Variants in MICU1 observed in about 807,000 individuals in gnomAD.
MICU1 encodes the protein mitochondrial calcium uptake 1.
Under a neutral mutation model 56.8 loss-of-function variants are expected in MICU1, and 45 were observed. The observed-to-expected ratio is 0.79, with a 90% CI of 0.62 to 1.02. The LOEUF (loss-of-function observed/expected upper bound fraction) is 1.02. Ranked by LOEUF, MICU1 falls within the 50% of genes least tolerant of loss-of-function variation. The pLI is 0.00. For missense variants in MICU1, 504 were observed against 587.1 expected (o/e 0.86, Z 1.46); for synonymous variants, 186 against 195.1 (o/e 0.95, Z 0.39).
rs752791177 is a variant in MICU1 at position 72,475,281 on chromosome 10, C to T, written c.752G>A (p.Arg251His). The change falls in exon 8 of 12, where the codon CGC becomes CAC. Residue 251 changes from arginine (R) to histidine (H), a missense_variant. Coordinates refer to ENST00000361114, the MANE Select transcript of MICU1 (RefSeq NM_001195518.2). ...GCGCATACCCATACTGGTTTGGGAGCGAATGATGCTCTGAACCTAATACAG... is the reference window on the plus strand; with the variant it reads ...GCGCATACCCATACTGGTTTGGGAGTGAATGATGCTCTGAACCTAATACAG... ...EEFEQVQSIIRSQTSMGMRHR... is the reference protein window; with the variant it reads ...EEFEQVQSIIHSQTSMGMRHR... 5.0e-6 allele frequency: 8 copies of T among 1,604,060 alleles called. No homozygotes were observed. The highest frequency in any genetic ancestry group is 2.2e-5 in the East Asian group (1 of 44,716).
intron 1 of MICU1, among the ~76,000 whole-genome samples, chr10:72,580,374 C>T (rs925724546): frequency 1.3e-5 from 2 of 152,172 alleles, no homozygotes; most frequent in African/African-American, 4.8e-5. Flanking sequence ...CAACTTAAAC[C>T]ATTTCAATAC....
chr10:72,464,791 G>C (rs1160952022), intron 8 of MICU1, among the ~76,000 whole-genome samples: 3 of 152,174 alleles, frequency 2.0e-5, no homozygotes, highest in South Asian at 2.1e-4. Flanking sequence ...TTGAGCTGGA[G>C]AGAATAAAGG....
At chr10:72,509,370 C>A (rs1292174778) in intron 5 of MICU1, 15 of 1,334,632 alleles carry the variant, frequency 1.1e-5, no homozygotes, top group Non-Finnish European at 1.4e-5. Flanking sequence ...ACACCAGCAT[C>A]CAGTTACACA....
At chr10:72,370,467 G>A (rs1176366535) in intron 11 of MICU1, among the ~76,000 whole-genome samples, 1 of 151,920 alleles carries the variant, frequency 6.6e-6, no homozygotes, top group Non-Finnish European at 1.5e-5. Flanking sequence ...CTCAGAGACA[G>A]GAAACCCCCC....
chr10:72,385,642 T>C (rs74145789), intron 10 of MICU1, among the ~76,000 whole-genome samples: 6,706 of 152,296 alleles, frequency 0.044, 388 homozygotes, highest in African/African-American at 0.13. Context: ...TCTAAAATGA[T>C]GGCTGGTGTG....
chr10:72,456,958 T>TGGGTGTGTGTGTGTGG (rs1357525662), intron 8 of MICU1, among the ~76,000 whole-genome samples: 1 of 149,840 alleles, frequency 6.7e-6, no homozygotes, highest in African/African-American at 2.5e-5. Flanking sequence ...TGTGTGTGTG[T>TGGGTGTGTGTGTGTGG]GTGTGTGTGT....
At chr10:72,483,348 G>A (rs1463771434) in intron 6 of MICU1, 6 of 163,852 alleles carry the variant, frequency 3.7e-5, no homozygotes, top group Admixed American at 1.3e-4. Flanking sequence ...CTGGCTCCTG[G>A]TTGTCCAGCT....
intron 11 of MICU1, among the ~76,000 whole-genome samples, chr10:72,370,747 T>G (rs1191118081): frequency 6.6e-6 from 1 of 152,194 alleles, no homozygotes; most frequent in East Asian, 1.9e-4. Context: ...ATTTGTACTT[T>G]AGGCTGGGCA....
intron 4 of MICU1, among the ~76,000 whole-genome samples, chr10:72,544,208 A>G (rs1276257640): frequency 1.3e-5 from 2 of 151,322 alleles, no homozygotes; most frequent in Admixed American, 1.3e-4. Flanking sequence ...TCTCACACAG[A>G]CCCCCTTAGA....
chr10:72,542,389 G>C (rs1186655024), intron 4 of MICU1, among the ~76,000 whole-genome samples: 3 of 152,186 alleles, frequency 2.0e-5, no homozygotes, highest in Non-Finnish European at 4.4e-5. Context: ...CAAAAGGAGT[G>C]AGCAGGATAT....
At chr10:72,457,465 TC>T (rs922993124) in intron 8 of MICU1, among the ~76,000 whole-genome samples, 2 of 151,284 alleles carry the variant, frequency 1.3e-5, no homozygotes, top group African/African-American at 4.9e-5. Flanking sequence ...CAAGTGATCC[TC>T]CCACCCTGGC....
At chr10:72,484,406 A>G (rs1866398083) in intron 6 of MICU1, among the ~76,000 whole-genome samples, 1 of 150,530 alleles carries the variant, frequency 6.6e-6, no homozygotes, top group African/African-American at 2.5e-5. Context: ...ATGAATACCA[A>G]GGACAAAAAA....
At chr10:72,496,501 T>C (rs1589278164) in intron 6 of MICU1, among the ~76,000 whole-genome samples, 1 of 152,148 alleles carries the variant, frequency 6.6e-6, no homozygotes, top group South Asian at 2.1e-4. Flanking sequence ...GGGGTTTCAT[T>C]ATGTTGGCCA....
chr10:72,464,393 C>G (rs958740953), intron 8 of MICU1, among the ~76,000 whole-genome samples: 1 of 151,054 alleles, frequency 6.6e-6, no homozygotes, highest in African/African-American at 2.4e-5. Context: ...TACACACATA[C>G]GTATACACAT....
chr10:72,450,121 T>C lies in MICU1; in HGVS notation c.933+24979A>G, dbSNP rs79960396. 5.4e-3 allele frequency among the ~76,000 whole-genome samples: 821 copies of C among 152,160 alleles called. 5 individuals are homozygous for C. Among genetic ancestry groups the C allele is most frequent in the East Asian group, 0.026 (137 of 5,178 alleles). On this transcript the variant is annotated intron_variant, in intron 8 of 11. Coordinates refer to ENST00000361114, the MANE Select transcript of MICU1 (RefSeq NM_001195518.2). ...GGGAGTGTTTGCAGAGAGACAGGTA[T>C]TTAACAAACAATGAAATGACTATGT...
At chr10:72,595,970 T>TA (rs1185447954) in intron 1 of MICU1, among the ~76,000 whole-genome samples, 41 of 87,470 alleles carry the variant, frequency 4.7e-4, no homozygotes, top group Admixed American at 6.8e-4. Flanking sequence ...GTCTCCACAA[T>TA]AAAAAAATTT....
chr10:72,577,509 CAA>C (rs534974944), intron 1 of MICU1, among the ~76,000 whole-genome samples: 18 of 85,874 alleles, frequency 2.1e-4, no homozygotes, highest in Admixed American at 2.7e-4. Flanking sequence ...AACTCCGTCT[CAA>C]AAAAAAAAAA....
intron 6 of MICU1, among the ~76,000 whole-genome samples, chr10:72,499,322 T>G (rs1410491498): frequency 6.6e-6 from 1 of 152,190 alleles, no homozygotes; most frequent in Non-Finnish European, 1.5e-5. Flanking sequence ...TGCCACTTCT[T>G]TCTTGCTTGA....
At chr10:72,547,823 G>T (rs994857172) in intron 4 of MICU1, among the ~76,000 whole-genome samples, 3 of 152,126 alleles carry the variant, frequency 2.0e-5, no homozygotes, top group African/African-American at 7.2e-5. Context: ...TTAAAAGCAA[G>T]GTACCAGTGT....
Sources: allele counts gnomAD v4.1 joint callset (sites outside exome capture counted in the v4.1 genomes callset), GRCh38; gene constraint gnomAD v4.1.1; transcripts MANE v1.5; gene names NCBI Gene and HGNC (gene_info 2026-07-23, HGNC 2026-07-21).